ASCC3: variants seen among roughly 807,000 people sequenced by gnomAD.
ASCC3 encodes activating signal cointegrator 1 complex subunit 3.
In ASCC3, 158 loss-of-function variants were observed where a neutral mutation model predicts 256.3. The observed-to-expected ratio is 0.62, with a 90% CI of 0.54 to 0.70. ASCC3 has a LOEUF of 0.70. Ranked by LOEUF, ASCC3 falls within the 30% of genes least tolerant of loss-of-function variation. The pLI, the probability that ASCC3 is intolerant of heterozygous loss-of-function variation, is 0.00. For synonymous variants in ASCC3, 948 were observed against 883.4 expected (o/e 1.07, Z -1.30); for missense variants, 2,259 against 2,626.0 (o/e 0.86, Z 3.05).
At chr6:100,626,498 G>A (rs969057267) in intron 29 of ASCC3, among the ~76,000 whole-genome samples, 9 of 151,962 alleles carry the variant, frequency 5.9e-5, no homozygotes, top group African/African-American at 2.2e-4. Context: ...TAGCTGCTGT[G>A]CTGATACCAT....
At chr6:100,702,530 T>C (rs769560909) in intron 13 of ASCC3, among the ~76,000 whole-genome samples, 1 of 152,022 alleles carries the variant, frequency 6.6e-6, no homozygotes, top group Non-Finnish European at 1.5e-5. Context: ...AGTACAAATA[T>C]GTAAGGTAGT....
chr6:100,817,532 A>AT (rs1770813846), intron 4 of ASCC3, among the ~76,000 whole-genome samples: 1 of 152,086 alleles, frequency 6.6e-6, no homozygotes, highest in Admixed American at 6.5e-5. Flanking sequence ...CTTTAGCTAG[A>AT]TTGACCACGA....
At chr6:100,525,156 CAAAAAAAAAAAAAAA>C (rs57882047) in intron 37 of ASCC3, among the ~76,000 whole-genome samples, 2 of 44,952 alleles carry the variant, frequency 4.4e-5, no homozygotes, top group African/African-American at 8.7e-5. Context: ...GACCCTGTCT[CAAAAAAAAAAAAAAA>C]AAAAAAAAAA....
At chr6:100,749,293 C>G (rs1388723520) in intron 10 of ASCC3, among the ~76,000 whole-genome samples, 1 of 151,856 alleles carries the variant, frequency 6.6e-6, no homozygotes, top group African/African-American at 2.4e-5. Context: ...ATAATATGAA[C>G]TAGTATTTAA....
At position 100,576,245 on chromosome 6, in the gene ASCC3, A is replaced by AT. The variant is rs1268808942; in HGVS notation, c.5550+13388dup. Among the ~76,000 whole-genome samples the AT allele has an allele frequency of 9.2e-5, 14 of 152,086 alleles. No individual in the cohort carries two copies. In the South Asian group the frequency reaches 2.9e-3, roughly 32 times the overall value. Reference sequence around the variant, plus strand: ...CAAGGGTTCTTATGAAACACCTAACATTTTCCAAAATAGCATCAGATTGTT... The same window carrying AT: ...CAAGGGTTCTTATGAAACACCTAACATTTTTCCAAAATAGCATCAGATTGTT... On this transcript the variant is annotated intron_variant, in intron 36 of 41. Transcript: ENST00000369162.
intron 10 of ASCC3, among the ~76,000 whole-genome samples, chr6:100,728,482 A>G (rs1186920151): frequency 1.3e-5 from 2 of 152,028 alleles, no homozygotes; most frequent in African/African-American, 4.8e-5. Context: ...CAGCAATTCC[A>G]TTTCCTAATA....
chr6:100,697,138 A>G (rs1275447222), intron 13 of ASCC3, among the ~76,000 whole-genome samples: 1 of 152,160 alleles, frequency 6.6e-6, no homozygotes, highest in Non-Finnish European at 1.5e-5. Context: ...CTACATGCAC[A>G]TAAAGCACAT....
intron 34 of ASCC3, among the ~76,000 whole-genome samples, chr6:100,593,080 T>C (rs1358912195): frequency 6.6e-6 from 1 of 152,136 alleles, no homozygotes; most frequent in African/African-American, 2.4e-5. Flanking sequence ...TTCTCTATAT[T>C]GGACTCAACC....
chr6:100,830,263 A>G (rs1771558210), intron 4 of ASCC3, among the ~76,000 whole-genome samples: 1 of 152,004 alleles, frequency 6.6e-6, no homozygotes, highest in Admixed American at 6.6e-5. Flanking sequence ...AAAAACTAAA[A>G]TTTTAACTGA....
intron 30 of ASCC3, among the ~76,000 whole-genome samples, chr6:100,615,105 T>A (rs892494881): frequency 6.6e-6 from 1 of 152,014 alleles, no homozygotes; most frequent in African/African-American, 2.4e-5. Context: ...AACCTCTGTC[T>A]CCCAGGCTCA....
intron 7 of ASCC3, 125 bp from the exon 8 acceptor site, chr6:100,798,963 A>C: frequency 2.2e-6 from 2 of 917,836 alleles, no homozygotes; most frequent in Non-Finnish European, 3.2e-6. Flanking sequence ...AAATAAACTT[A>C]GCTAATTTAA....
chr6:100,697,031 T>C (rs1009371579), intron 13 of ASCC3, among the ~76,000 whole-genome samples: 10 of 152,134 alleles, frequency 6.6e-5, no homozygotes, highest in Non-Finnish European at 1.5e-4. Flanking sequence ...TTGATCTATG[T>C]TGAATCTTTC....
At position 100,577,051 on chromosome 6, in the gene ASCC3, T is replaced by A. The variant is rs1489799611; in HGVS notation, c.5550+12583A>T. Reference sequence around the variant, plus strand: ...TTAAAAAAAAAAAAGCCCACAATACTCTGAAGAATAAAAATATTCCTAAAG... The same window carrying A: ...TTAAAAAAAAAAAAGCCCACAATACACTGAAGAATAAAAATATTCCTAAAG... On this transcript the variant is annotated intron_variant, in intron 36 of 41. Coordinates refer to ENST00000369162, the MANE Select transcript of ASCC3 (RefSeq NM_006828.4). Among the ~76,000 whole-genome samples the A allele has an allele frequency of 2.0e-5, 3 of 149,524 alleles. No individual in the cohort carries two copies. The East Asian group carries it at 5.9e-4, about 30-fold the overall frequency.
intron 13 of ASCC3, among the ~76,000 whole-genome samples, chr6:100,692,369 T>A (rs138961798): frequency 4.6e-4 from 70 of 152,174 alleles, no homozygotes; most frequent in African/African-American, 1.5e-3. Flanking sequence ...GAAATTTTTT[T>A]AAAAATTTAT....
intron 25 of ASCC3, among the ~76,000 whole-genome samples, chr6:100,637,424 G>A (rs1344897376): frequency 6.6e-6 from 1 of 152,140 alleles, no homozygotes; most frequent in African/African-American, 2.4e-5. Flanking sequence ...CCAAAGCTTT[G>A]ATGGACATGT....
intron 36 of ASCC3, among the ~76,000 whole-genome samples, chr6:100,566,893 A>T (rs115966011): frequency 0.016 from 2,492 of 152,154 alleles, 67 homozygotes; most frequent in African/African-American, 0.057. Context: ...GAATCCTCTC[A>T]AATAAGTCTT....
chr6:100,688,297 G>C (rs1777680481), intron 13 of ASCC3, among the ~76,000 whole-genome samples: 1 of 151,492 alleles, frequency 6.6e-6, no homozygotes, highest in South Asian at 2.1e-4. Flanking sequence ...AGGAACTCTT[G>C]ATTCTTTTAT....
chr6:100,778,531 A>G (rs1230942776), intron 8 of ASCC3, among the ~76,000 whole-genome samples: 1 of 152,110 alleles, frequency 6.6e-6, no homozygotes, highest in Admixed American at 6.6e-5. Context: ...CTTTTTGTCA[A>G]TTAGGGTTTA....
chr6:100,616,574 G>A (rs938051926), intron 30 of ASCC3, among the ~76,000 whole-genome samples: 6 of 152,078 alleles, frequency 3.9e-5, no homozygotes, highest in Middle Eastern at 6.8e-3. Context: ...TTCTAATTTC[G>A]TATTACCTCT....
Sources: allele counts gnomAD v4.1 joint callset (sites outside exome capture counted in the v4.1 genomes callset), GRCh38; gene constraint gnomAD v4.1.1; transcripts MANE v1.5; gene names NCBI Gene and HGNC (gene_info 2026-07-23, HGNC 2026-07-21).